The following QTMAN variants were observed in gnomAD, a reference collection of about 807,000 sequenced individuals.
QTMAN encodes queuosine-tRNA mannosyltransferase, also known as tRNA-queuosine alpha-mannosyltransferase.
At chr2:144,236,884 C>CA in the QTMAN span, among the ~76,000 whole-genome samples, 1 of 149,380 alleles carries the variant, frequency 6.7e-6, no homozygotes, top group South Asian at 2.2e-4. Context: ...GAGATGCCAC[C>CA]AAAAAAAAGG....
chr2:144,076,596 A>T, the QTMAN span, among the ~76,000 whole-genome samples: 1 of 152,214 alleles, frequency 6.6e-6, no homozygotes, highest in Non-Finnish European at 1.5e-5. Context: ...AAAGGCAAAC[A>T]GTCTGCTCAC....
chr2:143,954,850 C>T, the QTMAN span, among the ~76,000 whole-genome samples: 93,958 of 151,918 alleles, frequency 0.62, 30,200 homozygotes, highest in African/African-American at 0.78. Flanking sequence ...AGAGTTCCAA[C>T]TGATCTATTG....
the QTMAN span, among the ~76,000 whole-genome samples, chr2:144,176,929 G>T: frequency 6.6e-6 from 1 of 152,160 alleles, no homozygotes; most frequent in Non-Finnish European, 1.5e-5. Flanking sequence ...AAGCATGGCT[G>T]GGGAGGCCTC....
the QTMAN span, among the ~76,000 whole-genome samples, chr2:144,052,870 A>G: frequency 2.6e-5 from 4 of 152,136 alleles, no homozygotes; most frequent in Non-Finnish European, 5.9e-5. Flanking sequence ...GCTGGTCTCA[A>G]ACTCCAGACC....
At chr2:143,980,634 T>G in the QTMAN span, among the ~76,000 whole-genome samples, 2 of 152,220 alleles carry the variant, frequency 1.3e-5, no homozygotes, top group African/African-American at 4.8e-5. Context: ...TTTATAACAC[T>G]TAAAAACTAA....
chr2:143,951,965 C>A, the QTMAN span: 3 of 1,223,980 alleles, frequency 2.5e-6, no homozygotes, highest in African/African-American at 3.0e-5. Flanking sequence ...CCATGTAAAT[C>A]TCTTCTCAAT....
chr2:144,169,293 C>T, the QTMAN span, among the ~76,000 whole-genome samples: 1 of 152,196 alleles, frequency 6.6e-6, no homozygotes, highest in African/African-American at 2.4e-5. Flanking sequence ...AAATCAGAGA[C>T]AATTTGTTTA....
At chr2:144,189,322 A>C in the QTMAN span, among the ~76,000 whole-genome samples, 2 of 152,148 alleles carry the variant, frequency 1.3e-5, no homozygotes, top group Admixed American at 1.3e-4. Flanking sequence ...CTGATGCCCA[A>C]GGCCCTCCTG....
At chr2:144,198,019 G>C in the QTMAN span, among the ~76,000 whole-genome samples, 1 of 152,152 alleles carries the variant, frequency 6.6e-6, no homozygotes, top group Admixed American at 6.5e-5. Context: ...TTGAGGCTAA[G>C]AGTTCAAGGC....
chr2:144,152,674 A>G, the QTMAN span, among the ~76,000 whole-genome samples: 1 of 152,188 alleles, frequency 6.6e-6, no homozygotes, highest in Non-Finnish European at 1.5e-5. Flanking sequence ...AGGTAATATG[A>G]ACCAGAACAT....
chr2:144,225,086 A>G, the QTMAN span, among the ~76,000 whole-genome samples: 1 of 152,214 alleles, frequency 6.6e-6, no homozygotes, highest in Admixed American at 6.5e-5. Flanking sequence ...AAGCTAAAAT[A>G]TTTGCAATAT....
chr2:144,191,901 T>C, the QTMAN span, among the ~76,000 whole-genome samples: 3 of 152,204 alleles, frequency 2.0e-5, no homozygotes, highest in Non-Finnish European at 2.9e-5. Context: ...ACCACTCCTC[T>C]ACCACAACTA....
the QTMAN span, among the ~76,000 whole-genome samples, chr2:144,154,351 T>C: frequency 6.6e-6 from 1 of 152,060 alleles, no homozygotes; most frequent in Non-Finnish European, 1.5e-5. Context: ...GGCACTGGAA[T>C]AGAGAGAGTG....
the QTMAN span, among the ~76,000 whole-genome samples, chr2:144,164,892 T>C: frequency 6.6e-6 from 1 of 152,234 alleles, no homozygotes; most frequent in Admixed American, 6.5e-5. Flanking sequence ...GTGTCCTGTA[T>C]ACACTAGTCA....
At chr2:144,274,124 C>T in the QTMAN span, among the ~76,000 whole-genome samples, 61 of 152,034 alleles carry the variant, frequency 4.0e-4, no homozygotes, top group Non-Finnish European at 7.8e-4. Context: ...CACAGCGAGA[C>T]TCCGTCTCAA....
At chr2:144,280,309 C>G in the QTMAN span, among the ~76,000 whole-genome samples, 1 of 152,106 alleles carries the variant, frequency 6.6e-6, no homozygotes, top group Non-Finnish European at 1.5e-5. Flanking sequence ...GAAATAGAAG[C>G]TTGTGTTGTT....
At chr2:144,022,844 G>A in the QTMAN span, among the ~76,000 whole-genome samples, 4 of 152,204 alleles carry the variant, frequency 2.6e-5, no homozygotes, top group East Asian at 1.9e-4. Context: ...TTACAGGCAT[G>A]AGAATGTAAT....
chr2:143,978,607 G>A, the QTMAN span, among the ~76,000 whole-genome samples: 1 of 152,164 alleles, frequency 6.6e-6, no homozygotes, highest in Non-Finnish European at 1.5e-5. Flanking sequence ...GCCATGAAGT[G>A]TCTTAAGACG....
chr2:144,101,032 C>T, the QTMAN span, among the ~76,000 whole-genome samples: 1 of 151,798 alleles, frequency 6.6e-6, no homozygotes, highest in African/African-American at 2.4e-5. Context: ...ACCACGCTGG[C>T]TAATTTTTTG....
Sources: gnomAD v4.1 joint callset for allele counts (sites outside exome capture counted in the v4.1 genomes callset) on GRCh38, gnomAD v4.1.1 for gene constraint, MANE v1.5 for transcripts, NCBI Gene and HGNC (gene_info 2026-07-23, HGNC 2026-07-21) for gene names.